The following LRRC38 variants were observed in gnomAD, a reference collection of about 807,000 sequenced individuals.
LRRC38 encodes the protein leucine-rich repeat-containing protein 38.
Under a neutral mutation model 16.4 loss-of-function variants are expected in LRRC38, and 5 were observed. That is an observed-to-expected ratio of 0.31 (90% CI 0.16 to 0.64). The LOEUF (loss-of-function observed/expected upper bound fraction) is 0.64. Ranked by LOEUF, LRRC38 falls within the 30% of genes least tolerant of loss-of-function variation. LRRC38 has a pLI of 0.80. For synonymous variants in LRRC38, 191 were observed against 190.2 expected (o/e 1.00, Z -0.04); for missense variants, 341 against 401.8 (o/e 0.85, Z 1.29).
intron 1 of LRRC38, among the ~76,000 whole-genome samples, chr1:13,485,576 AAG>A (rs1051768524): frequency 5.3e-5 from 8 of 151,768 alleles, no homozygotes; most frequent in African/African-American, 1.9e-4. Flanking sequence ...AAAAAAAAAA[AAG>A]AAGAAGAAGA....
chr1:13,486,311 C>G (rs1016678232), intron 1 of LRRC38, among the ~76,000 whole-genome samples: 1 of 152,148 alleles, frequency 6.6e-6, no homozygotes, highest in Non-Finnish European at 1.5e-5. Flanking sequence ...GGATTTAGGA[C>G]AGTCCTACCC....
At chr1:13,500,811 C>T (rs934728345) in intron 1 of LRRC38, among the ~76,000 whole-genome samples, 12 of 152,156 alleles carry the variant, frequency 7.9e-5, no homozygotes, top group Non-Finnish European at 1.3e-4. Context: ...ATAAAGTGAA[C>T]GCCAGAAAGC....
chr1:13,478,707 T>C (rs1225609505), intron 1 of LRRC38, among the ~76,000 whole-genome samples: 1 of 152,200 alleles, frequency 6.6e-6, no homozygotes, highest in Non-Finnish European at 1.5e-5. Flanking sequence ...ATTAGCAGGC[T>C]TCTGTCCTGG....
chr1:13,479,450 G>A (rs558985610), intron 1 of LRRC38, among the ~76,000 whole-genome samples: 10 of 152,312 alleles, frequency 6.6e-5, no homozygotes, highest in Admixed American at 1.3e-4. Context: ...GGCACCTGCC[G>A]TTTAAATCCA....
At chr1:13,482,609 G>T (rs60857680) in intron 1 of LRRC38, among the ~76,000 whole-genome samples, 1 of 149,642 alleles carries the variant, frequency 6.7e-6, no homozygotes, top group Admixed American at 6.7e-5. Context: ...AAAGTGCAAC[G>T]CCCCACAAGA....
chr1:13,485,168 T>C (rs1177971217), intron 1 of LRRC38, among the ~76,000 whole-genome samples: 1 of 151,138 alleles, frequency 6.6e-6, no homozygotes, highest in Non-Finnish European at 1.5e-5. Context: ...TCCCACCTAC[T>C]CAGGAGGCTG....
chr1:13,484,353 C>T (rs1024075197), intron 1 of LRRC38, among the ~76,000 whole-genome samples: 3 of 152,190 alleles, frequency 2.0e-5, no homozygotes, highest in Non-Finnish European at 2.9e-5. Flanking sequence ...GCTCCTCCCC[C>T]ACTCCCATGT....
chr1:13,496,027 G>A (rs532413377), intron 1 of LRRC38, among the ~76,000 whole-genome samples: 2 of 152,194 alleles, frequency 1.3e-5, no homozygotes, highest in Non-Finnish European at 2.9e-5. Context: ...CCAGGTAACG[G>A]CTTACAAATT....
At chr1:13,479,149 T>C (rs955471778) in intron 1 of LRRC38, among the ~76,000 whole-genome samples, 1 of 151,950 alleles carries the variant, frequency 6.6e-6, no homozygotes. Context: ...TAAAACAAAG[T>C]TATACTGGGC....
At chr1:13,484,238 C>T (rs912616818) in intron 1 of LRRC38, among the ~76,000 whole-genome samples, 24 of 152,272 alleles carry the variant, frequency 1.6e-4, no homozygotes, top group African/African-American at 5.8e-4. Context: ...TCAAAGAGGC[C>T]TCCCTGCCTC....
chr1:13,513,313 G>A lies in LRRC38; in HGVS notation c.281C>T (p.Ser94Leu), dbSNP rs1392717877. The stretch of plus-strand genomic sequence containing the variant: ...GCCGCTGAACGTGCCCTCCTCCAGC[G>A]AGCGCAGCGAGTTGTTCCTGAAGTC... ...YLDFRNNSLR[S>L]LEEGTFSGSA... Residue 94 changes from serine to leucine, a missense_variant, in exon 1 of 2, where the codon TCG (serine) becomes TTG (leucine). Physicochemically the swap from Ser to Leu is moderately radical, Grantham distance 145 (BLOSUM62 -2). Transcript: ENST00000376085. 6.4e-7 allele frequency: 1 copy of A among 1,550,918 alleles called. No individual in the cohort carries two copies. Among genetic ancestry groups the A allele is most frequent in the Non-Finnish European group, 8.7e-7 (1 of 1,147,056 alleles).
chr1:13,481,609 A>G (rs1345087175), intron 1 of LRRC38, among the ~76,000 whole-genome samples: 2 of 150,700 alleles, frequency 1.3e-5, no homozygotes, highest in Admixed American at 6.6e-5. Context: ...GTTAGCCAGG[A>G]TTGTCTCCAC....
intron 1 of LRRC38, among the ~76,000 whole-genome samples, chr1:13,501,991 G>C (rs1352446557): frequency 6.6e-6 from 1 of 151,696 alleles, no homozygotes; most frequent in Non-Finnish European, 1.5e-5. Flanking sequence ...GCAGTGGCAT[G>C]ATCTTGGCTC....
In LRRC38 at chr1:13,475,920, T is replaced by C; in HGVS notation, c.811A>G (p.Thr271Ala). 1 of 1,550,588 alleles carries C rather than the reference T, an allele frequency of 6.4e-7. No homozygotes were observed. Among genetic ancestry groups the C allele is most frequent in the East Asian group, 2.4e-5 (1 of 40,918 alleles). ...CACCTCTGGAGGCACTGCACCACAG[T>C]GGCCAGGAAGAAGCTGGAGATGATG... ...AAIISSFFLA[T>A]VVQCLQRCAP... Residue 271 changes from threonine (T) to alanine (A), a missense_variant, in exon 2 of 2, where the codon ACT (threonine) becomes GCT (alanine). By Grantham distance (58) the Thr-to-Ala change is moderately conservative. Transcript: ENST00000376085. This position sits in a 1 kb window ranked among gnomAD's most constrained non-coding sequence, Gnocchi z 4.3.
chr1:13,478,962 T>C (rs1352489992), intron 1 of LRRC38, among the ~76,000 whole-genome samples: 1 of 152,168 alleles, frequency 6.6e-6, no homozygotes, highest in East Asian at 1.9e-4. Flanking sequence ...GTCTGCTTTA[T>C]ATACCCAAGG....
chr1:13,498,205 G>A (rs1639105508), intron 1 of LRRC38, among the ~76,000 whole-genome samples: 1 of 151,560 alleles, frequency 6.6e-6, no homozygotes, highest in South Asian at 2.1e-4. Flanking sequence ...CTCTGGGGCA[G>A]GAAGCAGAGA....
chr1:13,507,146 G>T lies in LRRC38; in HGVS notation c.631+5817C>A, dbSNP rs570781563. On this transcript the variant is annotated intron_variant, in intron 1 of 1. Coordinates refer to ENST00000376085, the MANE Select transcript of LRRC38 (RefSeq NM_001010847.2). ...GGCTCTCCAGGCAGCAACCAAGGCA[G>T]ACCCCTCGGTGAGGTTACCTTAGGT... is the stretch of plus-strand genomic sequence containing the variant. Among the ~76,000 whole-genome samples, 3 of 152,326 alleles carry T rather than the reference G, an allele frequency of 2.0e-5. No homozygotes were observed. The South Asian group carries it at 6.2e-4, about 32-fold the overall frequency.
chr1:13,486,149 G>A (rs988507261), intron 1 of LRRC38, among the ~76,000 whole-genome samples: 14 of 152,144 alleles, frequency 9.2e-5, no homozygotes, highest in Non-Finnish European at 7.3e-5. Flanking sequence ...ATATTGGCCA[G>A]GCTGGTCTCG....
At position 13,513,153 on chromosome 1, in the gene LRRC38, G is replaced by C; in HGVS notation, c.441C>G (p.Ala147=). 6.4e-6 allele frequency: 10 copies of C among 1,550,508 alleles called. No individual in the cohort carries two copies. Among genetic ancestry groups the C allele is most frequent in the Non-Finnish European group, 7.8e-6 (9 of 1,146,944 alleles). The part of the protein sequence containing the change: ...NNNLVGVHED[A]FETLESLQVL... ...CCTGCAGCGACTCCAGGGTCTCGAA[G>C]GCGTCCTCGTGCACGCCCACCAGGT... Residue 147 remains alanine (A), a synonymous_variant, in exon 1 of 2, where the codon GCC becomes GCG. Transcript: ENST00000376085.
Sources: gnomAD v4.1 joint callset for allele counts (sites outside exome capture counted in the v4.1 genomes callset) on GRCh38, gnomAD v4.1.1 for gene constraint, Gnocchi (gnomAD v3.1) non-coding constraint, MANE v1.5 for transcripts, NCBI Gene and HGNC (gene_info 2026-07-23, HGNC 2026-07-21) for gene names.